CDH9: variants seen among roughly 807,000 people sequenced by gnomAD.
CDH9 encodes cadherin 9.
A neutral mutation model predicts 70.9 loss-of-function variants in CDH9; 28 were observed. The ratio of observed to expected loss-of-function variants is 0.40; its 90% confidence interval spans 0.29 to 0.54. CDH9 has a LOEUF of 0.54. Ranked by LOEUF, CDH9 falls within the 20% of genes least tolerant of loss-of-function variation. The pLI is 0.59. For synonymous variants in CDH9, 409 were observed against 343.1 expected (o/e 1.19, Z -2.12); for missense variants, 874 against 984.4 (o/e 0.89, Z 1.50).
chr5:26,960,193 T>C (rs935744294), intron 2 of CDH9, among the ~76,000 whole-genome samples: 6 of 152,090 alleles, frequency 3.9e-5, no homozygotes, highest in Admixed American at 6.6e-5. Context: ...ATCTGAACAA[T>C]AGACTTTCTA....
chr5:27,019,112 G>C (rs1284483824), intron 1 of CDH9, among the ~76,000 whole-genome samples: 1 of 151,944 alleles, frequency 6.6e-6, no homozygotes, highest in African/African-American at 2.4e-5. Context: ...AGTAACAGGT[G>C]AAATTCAGAA....
At chr5:26,989,613 C>T (rs942276815) in intron 1 of CDH9, among the ~76,000 whole-genome samples, 2 of 151,548 alleles carry the variant, frequency 1.3e-5, no homozygotes, top group African/African-American at 4.8e-5. Context: ...ATAATATCTC[C>T]TGAATTCAGA....
At chr5:26,913,757 TTGTGTGTGTG>T (rs5866811) in intron 3 of CDH9, among the ~76,000 whole-genome samples, 45 of 145,544 alleles carry the variant, frequency 3.1e-4, no homozygotes, top group African/African-American at 6.8e-4. Flanking sequence ...ACATATATGT[TTGTGTGTGTG>T]TGTGTGTGTG....
intron 2 of CDH9, among the ~76,000 whole-genome samples, chr5:26,957,308 A>G (rs2112055707): frequency 6.6e-6 from 1 of 152,242 alleles, no homozygotes; most frequent in South Asian, 2.1e-4. Flanking sequence ...ATTTATATAT[A>G]ATCCAGATGA....
At chr5:26,959,499 C>A (rs1459524440) in intron 2 of CDH9, among the ~76,000 whole-genome samples, 2 of 152,010 alleles carry the variant, frequency 1.3e-5, no homozygotes, top group Non-Finnish European at 1.5e-5. Flanking sequence ...AATTCTACTT[C>A]TTCTTATTTA....
intron 5 of CDH9, 45 bp from the exon 6 acceptor site, chr5:26,903,869 A>G (rs1375662924): frequency 9.6e-7 from 1 of 1,042,460 alleles, no homozygotes; most frequent in Non-Finnish European, 1.4e-6. Flanking sequence ...TCTTTATATA[A>G]CATTTTTTCA....
rs1579523856 is a variant in CDH9 at position 27,031,700 on chromosome 5, T to C, written c.-50+6763A>G. Reference sequence around the variant, plus strand: ...TCAACTAGCAAACTTGCATGCCTAATAGGTCTGGAAGGAGCAAAAGGTCTA... The same window carrying C: ...TCAACTAGCAAACTTGCATGCCTAACAGGTCTGGAAGGAGCAAAAGGTCTA... On this transcript the variant is annotated intron_variant, in intron 1 of 11. Transcript: ENST00000231021. Among the ~76,000 whole-genome samples, 3 of 151,902 alleles carry C rather than the reference T, an allele frequency of 2.0e-5. No homozygotes were observed. The South Asian group carries it at 6.2e-4, about 31-fold the overall frequency.
At position 27,031,255 on chromosome 5, in the gene CDH9, G is replaced by A. The variant is rs149782708; in HGVS notation, c.-50+7208C>T. Among the ~76,000 whole-genome samples the A allele has an allele frequency of 2.6e-3, 393 of 151,818 alleles. 1 individual carries two copies. Among genetic ancestry groups the A allele is most frequent in the Non-Finnish European group, 4.2e-3 (283 of 67,812 alleles). Reference sequence around the variant, plus strand: ...TTCATAGAAAACCGCTATATTGTATGACTATACATAGAATTCTAAAATGAT... The same window carrying A: ...TTCATAGAAAACCGCTATATTGTATAACTATACATAGAATTCTAAAATGAT... On this transcript the variant is annotated intron_variant, in intron 1 of 11. Transcript: ENST00000231021.
At chr5:26,951,373 A>G (rs1741843297) in intron 2 of CDH9, among the ~76,000 whole-genome samples, 1 of 151,952 alleles carries the variant, frequency 6.6e-6, no homozygotes. Flanking sequence ...GATGTCCTAA[A>G]AACAAACTAA....
intron 7 of CDH9, among the ~76,000 whole-genome samples, chr5:26,893,125 TTAATC>T (rs1740689432): frequency 1.3e-5 from 2 of 152,194 alleles, no homozygotes; most frequent in Admixed American, 6.5e-5. Flanking sequence ...GACATACTAT[TTAATC>T]TATTGTTTAA....
At chr5:27,025,323 T>C (rs1313134267) in intron 1 of CDH9, among the ~76,000 whole-genome samples, 1 of 152,104 alleles carries the variant, frequency 6.6e-6, no homozygotes, top group Non-Finnish European at 1.5e-5. Context: ...AGTAAATACA[T>C]TGCATATCAG....
intron 2 of CDH9, among the ~76,000 whole-genome samples, chr5:26,938,849 A>G (rs985232201): frequency 3.3e-5 from 5 of 152,154 alleles, no homozygotes; most frequent in African/African-American, 1.2e-4. Context: ...TCAAATATAT[A>G]AATGTGCATC....
chr5:27,012,557 C>G (rs973156039), intron 1 of CDH9, among the ~76,000 whole-genome samples: 1 of 151,932 alleles, frequency 6.6e-6, no homozygotes, highest in Non-Finnish European at 1.5e-5. Flanking sequence ...CATGGTAATG[C>G]TTTCAATTAG....
Position 26,881,730 on chromosome 5 carries a change from G to A in CDH9, c.1883-107C>T, listed in dbSNP as rs564131911. 3.3e-5 allele frequency: 32 copies of A among 968,448 alleles called. No individual in the cohort carries two copies. The East Asian group carries it at 4.1e-4, about 12-fold the overall frequency. 60.0% of individuals were successfully genotyped at this position (968,448 alleles called of 1,614,324 possible). On this transcript the variant is annotated intron_variant, in intron 11 of 11. Transcript: ENST00000231021. Reference sequence around the variant, plus strand: ...GGTGCAGGAGATATTAAGATTGATCGAATAAAAAGAATTAACTACCCTGTA... The same window carrying A: ...GGTGCAGGAGATATTAAGATTGATCAAATAAAAAGAATTAACTACCCTGTA...
chr5:27,037,954 C>A (rs1743421986), intron 1 of CDH9, among the ~76,000 whole-genome samples: 1 of 151,822 alleles, frequency 6.6e-6, no homozygotes, highest in Non-Finnish European at 1.5e-5. Context: ...TATATTGTTT[C>A]ATTTATAATA....
Position 26,889,913 on chromosome 5 carries a change from G to C in CDH9, c.1435C>G (p.Leu479Val). 1 of 1,606,284 alleles carries C rather than the reference G, an allele frequency of 6.2e-7. No homozygotes were observed. ...TCCGGAGCATGGTCATTTATATCTA[G>C]AATTCTGATGAAGACAGGGATGTGG... ...SSHIPVFIRI[L>V]DINDHAPEFA... is the part of the protein sequence containing the mutation. The change falls in exon 9 of 12, where the codon CTA (leucine) becomes GTA (valine). Residue 479 changes from leucine (L) to valine (V), a missense_variant. By Grantham distance (32) the Leu-to-Val change is conservative. Transcript: ENST00000231021.
intron 1 of CDH9, among the ~76,000 whole-genome samples, chr5:26,989,673 G>C (rs553552921): frequency 3.3e-5 from 5 of 152,016 alleles, no homozygotes; most frequent in African/African-American, 4.8e-5. Context: ...TCTAATTGGA[G>C]TTTTAAAAAT....
intron 1 of CDH9, among the ~76,000 whole-genome samples, chr5:27,029,827 G>T (rs571991650): frequency 6.6e-6 from 1 of 152,022 alleles, no homozygotes; most frequent in Admixed American, 6.6e-5. Flanking sequence ...GTGGTGTTTT[G>T]AGAAGCATTG....
At chr5:26,948,088 T>C (rs974930917) in intron 2 of CDH9, among the ~76,000 whole-genome samples, 3 of 152,184 alleles carry the variant, frequency 2.0e-5, no homozygotes, top group African/African-American at 2.4e-5. Flanking sequence ...TTTTAGGCTA[T>C]AGCCTTGCTC....
Sources: allele counts gnomAD v4.1 joint callset (sites outside exome capture counted in the v4.1 genomes callset), GRCh38; gene constraint gnomAD v4.1.1; transcripts MANE v1.5; gene names NCBI Gene and HGNC (gene_info 2026-07-23, HGNC 2026-07-21).